Variants in IL1RAPL2 observed in about 807,000 individuals in gnomAD.
IL1RAPL2 encodes the protein X-linked interleukin-1 receptor accessory protein-like 2.
In IL1RAPL2, 3 loss-of-function variants were observed where a neutral mutation model predicts 44.1. The observed-to-expected ratio is 0.07, with a 90% CI of 0.03 to 0.18. IL1RAPL2 has a LOEUF of 0.18. Among genes scored for constraint, IL1RAPL2 ranks in the 10% least tolerant of loss-of-function variants. The pLI, the probability that IL1RAPL2 is intolerant of heterozygous loss-of-function variation, is 1.00. For synonymous variants in IL1RAPL2, 181 were observed against 178.8 expected, an observed-to-expected ratio of 1.01 and a Z score of -0.10; for missense variants, 391 against 496.4, an observed-to-expected ratio of 0.79 and a Z score of 2.02.
chrX:104,687,281 C>T (rs1210793513), intron 2 of IL1RAPL2, among the ~76,000 whole-genome samples: 4 of 112,109 alleles, frequency 3.6e-5, no homozygotes, highest in African/African-American at 1.3e-4. Flanking sequence ...ACATCTGCTT[C>T]TGGTGAGGAC....
At chrX:105,579,491 T>A (rs907992292) in intron 6 of IL1RAPL2, among the ~76,000 whole-genome samples, 9 of 111,705 alleles carry the variant, frequency 8.1e-5, no homozygotes, top group Non-Finnish European at 1.3e-4. Flanking sequence ...AGGCTGAGAA[T>A]AAATAATACT....
At chrX:104,678,122 C>A (rs939932368) in intron 2 of IL1RAPL2, among the ~76,000 whole-genome samples, 3 of 112,474 alleles carry the variant, frequency 2.7e-5, no homozygotes, top group Admixed American at 1.9e-4. Flanking sequence ...GCTCCTCCCC[C>A]CAAAATTGCT....
At chrX:104,846,104 G>C (rs1429707798) in intron 2 of IL1RAPL2, among the ~76,000 whole-genome samples, 1 of 111,578 alleles carries the variant, frequency 9.0e-6, no homozygotes, top group Non-Finnish European at 1.9e-5. Context: ...TTATACTTTT[G>C]TAGAAATGTA....
chrX:105,036,008 T>C (rs2031622438), intron 2 of IL1RAPL2, among the ~76,000 whole-genome samples: 1 of 111,944 alleles, frequency 8.9e-6, no homozygotes, highest in Non-Finnish European at 1.9e-5. Flanking sequence ...TCCCATAGTC[T>C]ACATGGTTCC....
chrX:105,413,418 T>A (rs1312830960), intron 5 of IL1RAPL2, among the ~76,000 whole-genome samples: 2 of 111,017 alleles, frequency 1.8e-5, no homozygotes, highest in African/African-American at 6.6e-5. Context: ...AAGGCAGAAA[T>A]GACAGAATCA....
intron 2 of IL1RAPL2, among the ~76,000 whole-genome samples, chrX:104,887,090 C>T (rs996559935): frequency 8.9e-6 from 1 of 112,471 alleles, no homozygotes; most frequent in East Asian, 2.8e-4. Flanking sequence ...AATGGCTTAT[C>T]CTTGCCCTAA....
intron 5 of IL1RAPL2, among the ~76,000 whole-genome samples, chrX:105,463,219 T>A (rs2036104853): frequency 9.0e-6 from 1 of 111,239 alleles, no homozygotes; most frequent in African/African-American, 3.3e-5. Context: ...TTTCCCTTTA[T>A]TAATAAGTAT....
intron 5 of IL1RAPL2, among the ~76,000 whole-genome samples, chrX:105,331,381 A>G (rs1264825320): frequency 8.9e-6 from 1 of 111,881 alleles, no homozygotes; most frequent in Non-Finnish European, 1.9e-5. Context: ...AACTATGATT[A>G]TCTAATGCTG....
At chrX:104,607,036 CAGACCTAT>C (rs1459492111) in intron 1 of IL1RAPL2, among the ~76,000 whole-genome samples, 1 of 111,876 alleles carries the variant, frequency 8.9e-6, no homozygotes, top group East Asian at 2.8e-4. Flanking sequence ...GGTACCAAAA[CAGACCTAT>C]AGACCAATGG....
At chrX:105,439,455 A>G (rs1273419962) in intron 5 of IL1RAPL2, among the ~76,000 whole-genome samples, 1 of 100,627 alleles carries the variant, frequency 9.9e-6, no homozygotes, top group Non-Finnish European at 2.0e-5. Context: ...TGTTAATCCT[A>G]CTATATTGGC....
intron 2 of IL1RAPL2, among the ~76,000 whole-genome samples, chrX:105,005,608 C>T (rs1188100076): frequency 2.7e-5 from 3 of 110,429 alleles, no homozygotes; most frequent in Admixed American, 1.9e-4. Context: ...ACCTCTTTCC[C>T]CCTCTTCTGC....
chrX:105,026,112 T>C (rs1177616483), intron 2 of IL1RAPL2, among the ~76,000 whole-genome samples: 1 of 110,626 alleles, frequency 9.0e-6, no homozygotes, highest in Non-Finnish European at 1.9e-5. Context: ...AATACAACCA[T>C]GAGAAGAACT....
intron 2 of IL1RAPL2, among the ~76,000 whole-genome samples, chrX:105,164,094 GAAAAA>G (rs5903261): frequency 9.8e-6 from 1 of 102,513 alleles, no homozygotes; most frequent in Non-Finnish European, 2.0e-5. Flanking sequence ...ATTGCCTTTG[GAAAAA>G]AAAAAAACAA....
chrX:105,134,192 A>G (rs754092398), intron 2 of IL1RAPL2, among the ~76,000 whole-genome samples: 27 of 112,265 alleles, frequency 2.4e-4, no homozygotes, highest in Admixed American at 1.7e-3. Context: ...TGATTTAGTC[A>G]TATTAGCTAA....
intron 1 of IL1RAPL2, among the ~76,000 whole-genome samples, chrX:104,599,247 A>T (rs182287146): frequency 9.0e-6 from 1 of 111,002 alleles, no homozygotes; most frequent in Admixed American, 9.6e-5. Context: ...TTGATTTTAA[A>T]TTTTTTTAAA....
chrX:105,388,148 C>CAAAAA (rs760730401), intron 5 of IL1RAPL2, among the ~76,000 whole-genome samples: 57 of 5,378 alleles, frequency 0.011, 15 homozygotes, highest in Non-Finnish European at 0.026. Context: ...AACTCCATCT[C>CAAAAA]AAAAAAAAAA....
intron 2 of IL1RAPL2, among the ~76,000 whole-genome samples, chrX:104,749,340 C>G (rs1012345639): frequency 2.7e-5 from 3 of 110,797 alleles, no homozygotes; most frequent in Admixed American, 1.9e-4. Flanking sequence ...CATGCCTAGC[C>G]CATCTGCTTC....
intron 5 of IL1RAPL2, among the ~76,000 whole-genome samples, chrX:105,475,408 A>G (rs1047363552): frequency 1.8e-4 from 20 of 111,231 alleles, no homozygotes; most frequent in African/African-American, 6.2e-4. Context: ...CTGACAGATC[A>G]GTCATCACAG....
At chrX:105,277,051 G>A (rs1178912857) in intron 5 of IL1RAPL2, among the ~76,000 whole-genome samples, 2 of 111,737 alleles carry the variant, frequency 1.8e-5, no homozygotes, top group African/African-American at 6.5e-5. Context: ...TTGGTGTCCA[G>A]TATTACAGAT....
Sources: allele counts gnomAD v4.1 joint callset (sites outside exome capture counted in the v4.1 genomes callset), GRCh38; gene constraint gnomAD v4.1.1; transcripts MANE v1.5; gene names NCBI Gene and HGNC (gene_info 2026-07-23, HGNC 2026-07-21).